GRIN2B: variants seen among roughly 807,000 people sequenced by gnomAD.
GRIN2B encodes glutamate receptor ionotropic, NMDA 2B.
A neutral mutation model predicts 114.5 loss-of-function variants in GRIN2B; 5 were observed. The ratio of observed to expected loss-of-function variants is 0.04; its 90% CI spans 0.02 to 0.09. The LOEUF is 0.09. Among genes scored for constraint, GRIN2B ranks in the 10% least tolerant of loss-of-function variants. GRIN2B has a pLI of 1.00. For synonymous variants in GRIN2B, 787 were observed against 745.1 expected (o/e 1.06, Z -0.92); for missense variants, 1,108 against 1,943.5 (o/e 0.57, Z 8.08).
At chr12:13,583,096 G>A (rs1016362979) in intron 10 of GRIN2B, among the ~76,000 whole-genome samples, 2 of 152,106 alleles carry the variant, frequency 1.3e-5, no homozygotes, top group East Asian at 1.9e-4. Context: ...GGTTTTAAGT[G>A]TTTGGCAAAG....
chr12:13,830,878 T>C (rs1396605959), intron 3 of GRIN2B, among the ~76,000 whole-genome samples: 1 of 152,202 alleles, frequency 6.6e-6, no homozygotes, highest in African/African-American at 2.4e-5. Flanking sequence ...CAGGTACATA[T>C]GGAAAAATGC....
At chr12:13,657,724 T>C (rs1949880075) in intron 5 of GRIN2B, among the ~76,000 whole-genome samples, 2 of 152,164 alleles carry the variant, frequency 1.3e-5, no homozygotes, top group Non-Finnish European at 2.9e-5. Flanking sequence ...ATGGGATAAA[T>C]ACATGAATCT....
chr12:13,919,573 C>G (rs1363122877), intron 2 of GRIN2B, among the ~76,000 whole-genome samples: 1 of 152,052 alleles, frequency 6.6e-6, no homozygotes, highest in Non-Finnish European at 1.5e-5. Context: ...AATAATATCT[C>G]TAAAAATAAC....
intron 3 of GRIN2B, among the ~76,000 whole-genome samples, chr12:13,843,790 A>T (rs2136718333): frequency 6.6e-6 from 1 of 152,342 alleles, no homozygotes; most frequent in Admixed American, 6.5e-5. Flanking sequence ...AGATTTTAAC[A>T]ATTTGTTTCC....
At chr12:13,808,844 AATAG>A (rs1161488867) in intron 3 of GRIN2B, among the ~76,000 whole-genome samples, 1 of 151,738 alleles carries the variant, frequency 6.6e-6, no homozygotes, top group Non-Finnish European at 1.5e-5. Context: ...ATCATGAGCC[AATAG>A]ATAAAGCAAG....
At chr12:13,784,625 G>C (rs1833141365) in intron 3 of GRIN2B, among the ~76,000 whole-genome samples, 1 of 152,128 alleles carries the variant, frequency 6.6e-6, no homozygotes, top group African/African-American at 2.4e-5. Flanking sequence ...TGTGATAGAA[G>C]TGTCACTGTG....
chr12:13,822,955 T>C (rs1348231218), intron 3 of GRIN2B, among the ~76,000 whole-genome samples: 2 of 152,132 alleles, frequency 1.3e-5, no homozygotes, highest in Non-Finnish European at 2.9e-5. Context: ...TCTTTTTCCA[T>C]TAAATTACTC....
intron 3 of GRIN2B, among the ~76,000 whole-genome samples, chr12:13,759,250 C>G (rs1863635747): frequency 6.6e-6 from 1 of 151,754 alleles, no homozygotes; most frequent in African/African-American, 2.4e-5. Flanking sequence ...ACATGGTGAC[C>G]CGCCCACCTC....
chr12:13,812,792 C>T (rs1864756836), intron 3 of GRIN2B, among the ~76,000 whole-genome samples: 1 of 152,018 alleles, frequency 6.6e-6, no homozygotes. Flanking sequence ...AAACTATTTG[C>T]ATTGGAAATG....
At chr12:13,827,482 C>G (rs1031959157) in intron 3 of GRIN2B, among the ~76,000 whole-genome samples, 3 of 151,704 alleles carry the variant, frequency 2.0e-5, no homozygotes, top group Admixed American at 1.3e-4. Context: ...ACTCTCTGTG[C>G]TTCATTTTCT....
chr12:13,572,824 A>T (rs1184179122), intron 10 of GRIN2B, among the ~76,000 whole-genome samples: 1 of 152,176 alleles, frequency 6.6e-6, no homozygotes, highest in Non-Finnish European at 1.5e-5. Context: ...TAAAACTCAA[A>T]ACAATTTCTT....
At position 13,559,151 on chromosome 12, in the gene GRIN2B, T is replaced by TA. The variant is rs1196170508; in HGVS notation, c.*3631_*3632insT. ...ATTTTACTTGCTTGTTATTCTGGAATTAAGTAACATCTAGATTTTAACAAT... is the reference window on the plus strand; with the variant it reads ...ATTTTACTTGCTTGTTATTCTGGAATATAAGTAACATCTAGATTTTAACAAT... On this transcript the variant is annotated 3_prime_UTR_variant, in exon 14 of 14. Transcript: ENST00000609686. The TA allele has an allele frequency of 6.6e-6, 1 of 152,098 alleles. No individual in the cohort carries two copies. Among genetic ancestry groups the TA allele is most frequent in the African/African-American group, 2.4e-5 (1 of 41,374 alleles). 9.4% of individuals were successfully genotyped at this position (152,098 alleles called of 1,614,324 possible).
chr12:13,934,565 C>T (rs1867094529), intron 2 of GRIN2B, among the ~76,000 whole-genome samples: 1 of 152,152 alleles, frequency 6.6e-6, no homozygotes, highest in Non-Finnish European at 1.5e-5. Flanking sequence ...AGTGCTTCTC[C>T]GTTAGCACGT....
chr12:13,547,250 T>G lies in GRIN2B; in HGVS notation c.*15533A>C, dbSNP rs1187812149. 1.3e-5 allele frequency: 2 copies of G among 152,152 alleles called. No individual in the cohort carries two copies. The highest frequency in any genetic ancestry group is 2.9e-5 in the Non-Finnish European group (2 of 68,020). 9.4% of individuals were successfully genotyped at this position (152,152 alleles called of 1,614,324 possible). A position where few individuals can be genotyped will look rare whatever the true frequency, so the allele number is the denominator to read the frequency against. On this transcript the variant is annotated 3_prime_UTR_variant, in exon 14 of 14. Transcript: ENST00000609686. ...TTTCCAAGTAAGGAGCTTGGAAGGT[T>G]GTTCTCAACGATAAAACCCACTTTG... is the stretch of plus-strand genomic sequence containing the variant.
intron 2 of GRIN2B, among the ~76,000 whole-genome samples, chr12:13,947,323 G>A (rs1867379920): frequency 6.6e-6 from 1 of 152,144 alleles, no homozygotes; most frequent in Non-Finnish European, 1.5e-5. Flanking sequence ...CTCGCCATGT[G>A]AATTGTCCTT....
chr12:13,932,580 G>C (rs1867053295), intron 2 of GRIN2B, among the ~76,000 whole-genome samples: 1 of 152,170 alleles, frequency 6.6e-6, no homozygotes, highest in South Asian at 2.1e-4. Flanking sequence ...GATGTATTAA[G>C]CATTCAAAAA....
chr12:13,968,574 G>C (rs1017157591), intron 2 of GRIN2B, among the ~76,000 whole-genome samples: 4 of 152,138 alleles, frequency 2.6e-5, no homozygotes, highest in African/African-American at 4.8e-5. Context: ...TTACTGAAAG[G>C]CCTTTTTAAA....
chr12:13,580,021 A>G (rs1281786683), intron 10 of GRIN2B, among the ~76,000 whole-genome samples: 1 of 152,184 alleles, frequency 6.6e-6, no homozygotes, highest in Non-Finnish European at 1.5e-5. Flanking sequence ...GAATGAAGAA[A>G]CATACTTGTT....
chr12:13,730,057 C>G (rs946091474), intron 4 of GRIN2B, among the ~76,000 whole-genome samples: 2 of 150,680 alleles, frequency 1.3e-5, no homozygotes, highest in Non-Finnish European at 2.9e-5. Flanking sequence ...CTGAGAGACT[C>G]AGATAATTTC....
Sources: allele counts gnomAD v4.1 joint callset (sites outside exome capture counted in the v4.1 genomes callset), GRCh38; gene constraint gnomAD v4.1.1; transcripts MANE v1.5; gene names NCBI Gene and HGNC (gene_info 2026-07-23, HGNC 2026-07-21).